The following DNAJC1 variants were observed in gnomAD, a reference collection of about 807,000 sequenced individuals.
DNAJC1 encodes DnaJ heat shock protein family (Hsp40) member C1.
Under a neutral mutation model 76.6 loss-of-function variants are expected in DNAJC1, and 58 were observed. The ratio of observed to expected loss-of-function variants is 0.76; its 90% confidence interval spans 0.61 to 0.94. The LOEUF is 0.94. Ranked by LOEUF, DNAJC1 falls within the 40% of genes least tolerant of loss-of-function variation. DNAJC1 has a pLI of 0.00. For synonymous variants in DNAJC1, 258 were observed against 267.9 expected (o/e 0.96, Z 0.36); for missense variants, 689 against 677.3 (o/e 1.02, Z -0.19).
At chr10:21,999,115 G>C (rs184499349) in intron 1 of DNAJC1, among the ~76,000 whole-genome samples, 7 of 152,248 alleles carry the variant, frequency 4.6e-5, no homozygotes, top group African/African-American at 1.7e-4. Context: ...TTCTAGTTTA[G>C]GATATGGATA....
At chr10:21,824,595 G>T (rs1370597426) in intron 8 of DNAJC1, among the ~76,000 whole-genome samples, 2 of 152,130 alleles carry the variant, frequency 1.3e-5, no homozygotes, top group African/African-American at 4.8e-5. Flanking sequence ...GAGAGAGATG[G>T]ACGGTGATGG....
At position 22,003,498 on chromosome 10, in the gene DNAJC1, G is replaced by A; in HGVS notation, c.-64C>T. ...GTTGGCCGAGAGCTGGGACGTGGCG[G>A]GCGGCGCTGGCTGTGGGGAACAGCG... On this transcript the variant is annotated 5_prime_UTR_variant, in exon 1 of 12. Coordinates refer to ENST00000376980, the MANE Select transcript of DNAJC1 (RefSeq NM_022365.4). 2 of 1,303,078 alleles carry A rather than the reference G, an allele frequency of 1.5e-6. No homozygotes were observed. The highest frequency in any genetic ancestry group is 1.9e-6 in the Non-Finnish European group (2 of 1,031,826). The allele number at this position is 1,303,078 out of a possible 1,614,324, so 80.7% of individuals were successfully genotyped here. A position where few individuals can be genotyped will look rare whatever the true frequency, so the allele number is the denominator to read the frequency against.
chr10:21,995,580 T>A (rs1424271009), intron 1 of DNAJC1, among the ~76,000 whole-genome samples: 1 of 152,232 alleles, frequency 6.6e-6, no homozygotes, highest in Non-Finnish European at 1.5e-5. Context: ...GCTTTAATAT[T>A]AAGCAACTCA....
intron 1 of DNAJC1, among the ~76,000 whole-genome samples, chr10:21,988,418 C>T (rs1449803481): frequency 6.6e-6 from 1 of 152,060 alleles, no homozygotes; most frequent in Admixed American, 6.6e-5. Flanking sequence ...TCAAATTATA[C>T]AAAAACTGAC....
At chr10:21,964,712 T>G (rs1193860551) in intron 1 of DNAJC1, among the ~76,000 whole-genome samples, 5 of 151,858 alleles carry the variant, frequency 3.3e-5, no homozygotes, top group African/African-American at 7.2e-5. Context: ...CTGTTGGTTT[T>G]TTTTTTTTTT....
chr10:21,979,956 G>C (rs1838126745), intron 1 of DNAJC1, among the ~76,000 whole-genome samples: 1 of 151,742 alleles, frequency 6.6e-6, no homozygotes, highest in Non-Finnish European at 1.5e-5. Flanking sequence ...TATGACTTTT[G>C]CATTCTGCTT....
chr10:21,978,893 A>G (rs1838106762), intron 1 of DNAJC1, among the ~76,000 whole-genome samples: 1 of 152,120 alleles, frequency 6.6e-6, no homozygotes, highest in South Asian at 2.1e-4. Context: ...TATAGGAAAT[A>G]CCGACTCTGG....
intron 8 of DNAJC1, among the ~76,000 whole-genome samples, chr10:21,829,291 T>C (rs1177992932): frequency 2.0e-5 from 3 of 152,004 alleles, no homozygotes; most frequent in Non-Finnish European, 2.9e-5. Flanking sequence ...CTTGGCTCAC[T>C]GCAGCTCCGC....
At chr10:21,955,198 T>C (rs928333595) in intron 1 of DNAJC1, among the ~76,000 whole-genome samples, 5 of 152,236 alleles carry the variant, frequency 3.3e-5, no homozygotes, top group Non-Finnish European at 5.9e-5. Context: ...GTTATAACAT[T>C]GCAGGAACAA....
intron 3 of DNAJC1, among the ~76,000 whole-genome samples, chr10:21,927,950 G>A (rs1027342236): frequency 4.6e-5 from 7 of 152,194 alleles, no homozygotes; most frequent in Admixed American, 1.3e-4. Flanking sequence ...CAGAATTGCC[G>A]GAGCAGAGTA....
At chr10:21,839,922 C>G (rs1398774344) in intron 8 of DNAJC1, among the ~76,000 whole-genome samples, 1 of 152,168 alleles carries the variant, frequency 6.6e-6, no homozygotes, top group African/African-American at 2.4e-5. Flanking sequence ...TGGGCTTCAT[C>G]CCTGGGATGC....
At chr10:21,908,028 T>TATATA (rs1339537850) in intron 6 of DNAJC1, among the ~76,000 whole-genome samples, 2 of 38,584 alleles carry the variant, frequency 5.2e-5, no homozygotes, top group Non-Finnish European at 7.7e-5. Flanking sequence ...TATATATAAA[T>TATATA]ATATAATATA....
intron 6 of DNAJC1, among the ~76,000 whole-genome samples, chr10:21,908,090 TA>T (rs1161500085): frequency 2.7e-5 from 3 of 110,486 alleles, no homozygotes; most frequent in African/African-American, 1.1e-4. Context: ...ATATTATATA[TA>T]AAATATATAT....
At chr10:21,872,243 TTG>T in intron 8 of DNAJC1, among the ~76,000 whole-genome samples, 1 of 151,716 alleles carries the variant, frequency 6.6e-6, no homozygotes, top group East Asian at 1.9e-4. Context: ...CCGGCTAATT[TTG>T]TGTGTTTTTA....
intron 1 of DNAJC1, among the ~76,000 whole-genome samples, chr10:21,991,396 G>A (rs1255996024): frequency 6.6e-6 from 1 of 152,154 alleles, no homozygotes; most frequent in East Asian, 1.9e-4. Flanking sequence ...CCTATGCATG[G>A]AAGTTCAGAC....
At chr10:21,904,717 G>T (rs1030369452) in intron 6 of DNAJC1, 105 bp from the exon 7 acceptor site, 1 of 585,002 alleles carries the variant, frequency 1.7e-6, no homozygotes, top group Non-Finnish European at 2.7e-6. Context: ...TTATAAGTAG[G>T]CTTTCTTTTT....
intron 6 of DNAJC1, among the ~76,000 whole-genome samples, chr10:21,907,124 C>T (rs987371209): frequency 1.3e-5 from 2 of 152,054 alleles, no homozygotes; most frequent in Admixed American, 6.6e-5. Flanking sequence ...GGACATAATC[C>T]CACTAAAACT....
intron 8 of DNAJC1, among the ~76,000 whole-genome samples, chr10:21,837,328 G>A (rs998635377): frequency 1.5e-4 from 23 of 151,992 alleles, no homozygotes; most frequent in East Asian, 9.8e-4. Flanking sequence ...CTGCCCGGCC[G>A]CCACCCCGTC....
intron 1 of DNAJC1, among the ~76,000 whole-genome samples, chr10:21,956,756 A>C (rs916631593): frequency 3.3e-5 from 5 of 151,578 alleles, no homozygotes; most frequent in African/African-American, 1.2e-4. Context: ...GTCTATTTTC[A>C]GCACAGCAGC....
Sources: allele counts gnomAD v4.1 joint callset (sites outside exome capture counted in the v4.1 genomes callset), GRCh38; gene constraint gnomAD v4.1.1; transcripts MANE v1.5; gene names NCBI Gene and HGNC (gene_info 2026-07-23, HGNC 2026-07-21).